The following MIR2052HG variants were observed in gnomAD, a reference collection of about 807,000 sequenced individuals.
MIR2052HG encodes MIR2052 host gene.
chr8:74,615,716 T>A (rs897249727), intron 2 of MIR2052HG, among the ~76,000 whole-genome samples: 1 of 152,006 alleles, frequency 6.6e-6, no homozygotes, highest in Non-Finnish European at 1.5e-5. Flanking sequence ...ACCCATTAAC[T>A]CGTCATTTAA....
In MIR2052HG at chr8:74,716,332, A is replaced by G. The variant is rs1006583610; in HGVS notation, n.371+12650A>G. ...TGCTACAATTGGTTAACATCATGAA[A>G]CAGAAGTTGGCTTGAAAGCAAGCTT... On this transcript the variant is annotated intron_variant and non_coding_transcript_variant, in intron 4 of 6. Coordinates refer to ENST00000523442, the Ensembl canonical transcript of MIR2052HG. Among the ~76,000 whole-genome samples the G allele has an allele frequency of 1.5e-3, 226 of 152,294 alleles. 1 individual carries two copies. The highest frequency in any genetic ancestry group is 5.3e-3 in the African/African-American group (221 of 41,572).
chr8:74,749,994 G>T (rs2128756583), intron 4 of MIR2052HG, among the ~76,000 whole-genome samples: 1 of 152,198 alleles, frequency 6.6e-6, no homozygotes, highest in East Asian at 1.9e-4. Context: ...AATTAAAATG[G>T]AAGCCAGTTA....
intron 4 of MIR2052HG, chr8:74,703,778 A>C: frequency 2.8e-6 from 1 of 360,274 alleles, no homozygotes; most frequent in Non-Finnish European, 5.5e-6. Flanking sequence ...CCATGAGTCT[A>C]GTCAAAGCTG....
chr8:74,613,533 G>C (rs962606439), intron 2 of MIR2052HG, among the ~76,000 whole-genome samples: 8 of 152,068 alleles, frequency 5.3e-5, no homozygotes, highest in African/African-American at 1.9e-4. Flanking sequence ...CACCAAGGCT[G>C]GGGTACAGTG....
intron 1 of MIR2052HG, among the ~76,000 whole-genome samples, chr8:74,604,601 T>TTTTC (rs1808083212): frequency 7.4e-6 from 1 of 134,484 alleles, no homozygotes; most frequent in Non-Finnish European, 1.6e-5. Context: ...TTTTTTTTTT[T>TTTTC]TTTTTTTCTG....
intron 4 of MIR2052HG, among the ~76,000 whole-genome samples, chr8:74,749,778 G>A (rs1809925568): frequency 6.6e-6 from 1 of 151,232 alleles, no homozygotes; most frequent in Non-Finnish European, 1.5e-5. Flanking sequence ...GAACCTGGGA[G>A]GTGGAGGTTG....
chr8:74,757,900 G>C (rs1007682081), intron 5 of MIR2052HG: 7 of 152,026 alleles, frequency 4.6e-5, no homozygotes, highest in African/African-American at 1.7e-4. Flanking sequence ...ACCAAAAAAT[G>C]TCAGCCCAAC....
At chr8:74,749,793 G>A (rs1809925741) in intron 4 of MIR2052HG, among the ~76,000 whole-genome samples, 1 of 147,202 alleles carries the variant, frequency 6.8e-6, no homozygotes, top group South Asian at 2.1e-4. Flanking sequence ...AGGTTGCAGT[G>A]AGCCGAGATC....
At chr8:74,727,696 T>C (rs575745734) in intron 4 of MIR2052HG, among the ~76,000 whole-genome samples, 1 of 152,308 alleles carries the variant, frequency 6.6e-6, no homozygotes, top group South Asian at 2.1e-4. Flanking sequence ...ATCTACTGAC[T>C]TGGTTAGCTA....
intron 4 of MIR2052HG, among the ~76,000 whole-genome samples, chr8:74,707,864 T>C (rs1247156654): frequency 6.6e-6 from 1 of 152,114 alleles, no homozygotes; most frequent in Non-Finnish European, 1.5e-5. Flanking sequence ...GATTAACTAA[T>C]TAAGGGATCC....
chr8:74,698,174 A>G (rs2128740544), intron 2 of MIR2052HG, among the ~76,000 whole-genome samples: 1 of 152,296 alleles, frequency 6.6e-6, no homozygotes. Context: ...AAACCAATGG[A>G]ACAGAATAGA....
intron 2 of MIR2052HG, among the ~76,000 whole-genome samples, chr8:74,680,006 G>A (rs998222710): frequency 2.0e-5 from 3 of 152,112 alleles, no homozygotes; most frequent in Non-Finnish European, 4.4e-5. Flanking sequence ...AAGAAAGAAG[G>A]ATAATTCATT....
At chr8:74,614,035 A>C (rs1808240842) in intron 2 of MIR2052HG, among the ~76,000 whole-genome samples, 2 of 152,246 alleles carry the variant, frequency 1.3e-5, no homozygotes, top group African/African-American at 4.8e-5. Flanking sequence ...ACGATTTCAC[A>C]TCTTCCTCAA....
intron 4 of MIR2052HG, chr8:74,703,825 C>A (rs1038232211): frequency 2.4e-5 from 7 of 293,102 alleles, no homozygotes; most frequent in African/African-American, 1.6e-4. Context: ...TTGTGGATAG[C>A]TGAGGATTAA....
At chr8:74,651,185 A>G (rs1197705005) in intron 2 of MIR2052HG, among the ~76,000 whole-genome samples, 1 of 151,326 alleles carries the variant, frequency 6.6e-6, no homozygotes, top group African/African-American at 2.4e-5. Context: ...TAAGGCCACC[A>G]TAGCCGTTGG....
At chr8:74,619,556 G>A (rs1808332500) in intron 2 of MIR2052HG, among the ~76,000 whole-genome samples, 1 of 152,204 alleles carries the variant, frequency 6.6e-6, no homozygotes, top group African/African-American at 2.4e-5. Flanking sequence ...CATGGTGGAA[G>A]GCAAAGGAGA....
chr8:74,732,952 G>A (rs569950353), intron 4 of MIR2052HG, among the ~76,000 whole-genome samples: 1 of 152,244 alleles, frequency 6.6e-6, no homozygotes, highest in Admixed American at 6.5e-5. Flanking sequence ...TTAGAGAGCT[G>A]TGCACATAAG....
At chr8:74,647,197 A>G (rs967434915) in intron 2 of MIR2052HG, among the ~76,000 whole-genome samples, 1 of 152,098 alleles carries the variant, frequency 6.6e-6, no homozygotes, top group African/African-American at 2.4e-5. Context: ...TTACATATAC[A>G]CACATGGTAT....
At chr8:74,671,867 G>A (rs1808996658) in intron 2 of MIR2052HG, among the ~76,000 whole-genome samples, 1 of 152,048 alleles carries the variant, frequency 6.6e-6, no homozygotes, top group African/African-American at 2.4e-5. Context: ...CCCACTAAGA[G>A]GAGTGCATTT....
Sources: allele counts gnomAD v4.1 joint callset (sites outside exome capture counted in the v4.1 genomes callset), GRCh38; gene constraint gnomAD v4.1.1; transcripts MANE v1.5; gene names NCBI Gene and HGNC (gene_info 2026-07-23, HGNC 2026-07-21).